The following SPIB variants were observed in gnomAD, a reference collection of about 807,000 sequenced individuals.
SPIB encodes the protein transcription factor Spi-B.
In SPIB, 7 loss-of-function variants were observed where a neutral mutation model predicts 31.9. The ratio of observed to expected loss-of-function variants is 0.22; its 90% CI spans 0.12 to 0.41. SPIB has a LOEUF of 0.41. SPIB is among the 10% of genes least tolerant of loss of function. SPIB has a pLI of 1.00. For synonymous variants in SPIB, 176 were observed against 158.9 expected (o/e 1.11, Z -0.81); for missense variants, 327 against 360.2 (o/e 0.91, Z 0.75).
At position 50,428,905 on chromosome 19, in the gene SPIB, T is replaced by G. The variant is rs982525926; in HGVS notation, c.*569T>G. 2 of 152,814 alleles carry G rather than the reference T, an allele frequency of 1.3e-5. No individual in the cohort carries two copies. Among genetic ancestry groups the G allele is most frequent in the African/African-American group, 4.8e-5 (2 of 41,458 alleles). 9.5% of individuals were successfully genotyped at this position (152,814 alleles called of 1,614,324 possible). ...TGTGTTGTCACATCTGTCCCCTCAT[T>G]TTTGAGATCCCCCAATTCTCTGGAA... On this transcript the variant is annotated 3_prime_UTR_variant, in exon 6 of 6. Transcript: ENST00000595883. The surrounding 1 kb of genome is among the most constrained non-coding windows in gnomAD (Gnocchi z 6.5).
Position 50,421,318 on chromosome 19 carries a change from G to GATTT in SPIB, c.52-1135_52-1132dup, listed in dbSNP as rs1283829924. Among the ~76,000 whole-genome samples, 93 of 152,094 alleles carry GATTT rather than the reference G, an allele frequency of 6.1e-4. 1 individual carries two copies. The highest frequency in any genetic ancestry group is 9.8e-4 in the Admixed American group (15 of 15,238). ...TTCATGGGGCGAATCAACATATGGA[G>GATTT]ATTTATTTATTTATTTATTTATTGA... On this transcript the variant is annotated intron_variant, in intron 2 of 5. Transcript: ENST00000595883.
Position 50,430,454 on chromosome 19 carries a change from G to A in SPIB, c.*2118G>A, listed in dbSNP as rs1357456184. The A allele has an allele frequency of 6.6e-6, 1 of 152,178 alleles. No individual in the cohort carries two copies. The highest frequency in any genetic ancestry group is 1.5e-5 in the Non-Finnish European group (1 of 68,096). 9.4% of individuals were successfully genotyped at this position (152,178 alleles called of 1,614,324 possible). On this transcript the variant is annotated 3_prime_UTR_variant, in exon 6 of 6. Coordinates refer to ENST00000595883, the MANE Select transcript of SPIB (RefSeq NM_003121.5). ...AGAAGGAGGAGGAAGATCTCAAAAA[G>A]ACTTTCCAGCCCAGTGCGGTGGCTC...
At chr19:50,419,477 TGC>T (rs1381442666) in intron 1 of SPIB, among the ~76,000 whole-genome samples, 1 of 152,178 alleles carries the variant, frequency 6.6e-6, no homozygotes, top group African/African-American at 2.4e-5. Flanking sequence ...CCCGCCTCTG[TGC>T]GTGAATGTCC....
Position 50,424,700 on chromosome 19 carries a change from G to T in SPIB, c.490+945G>T, listed in dbSNP as rs377193862. 1.7e-3 allele frequency among the ~76,000 whole-genome samples: 253 copies of T among 152,158 alleles called. 2 individuals are homozygous for T. The highest frequency in any genetic ancestry group is 5.6e-3 in the African/African-American group (232 of 41,536). ...GGAGGCTGAGGCAGAAGAATCGCTT[G>T]AACCCAGGAGGCAGAGGTTGCAGTA... On this transcript the variant is annotated intron_variant, in intron 5 of 5. Coordinates refer to ENST00000595883, the MANE Select transcript of SPIB (RefSeq NM_003121.5).
chr19:50,420,019 C>A, intron 2 of SPIB, 46 bp downstream of exon 2: 2 of 1,409,066 alleles, frequency 1.4e-6, no homozygotes, highest in South Asian at 1.7e-5. Context: ...CCCACAGTGA[C>A]CTCCCTCAGA....
At chr19:50,420,568 A>G (rs892690979) in intron 2 of SPIB, among the ~76,000 whole-genome samples, 8 of 152,208 alleles carry the variant, frequency 5.3e-5, no homozygotes, top group African/African-American at 1.9e-4. Context: ...GTCCCTTCTC[A>G]GTCAATACCT....
At position 50,419,761 on chromosome 19, in the gene SPIB, C is replaced by G; in HGVS notation, c.24-185C>G. On this transcript the variant is annotated intron_variant, in intron 1 of 5. Transcript: ENST00000595883. ...GGAGGAGGGGGACATTTGCCTCCCCCCCACCCCCCACTTCCTGTCCCAGCA... is the reference window on the plus strand; with the variant it reads ...GGAGGAGGGGGACATTTGCCTCCCCGCCACCCCCCACTTCCTGTCCCAGCA... 5 of 506,804 alleles carry G rather than the reference C, an allele frequency of 9.9e-6. No individual in the cohort carries two copies. The East Asian group carries it at 1.1e-4, about 11-fold the overall frequency. 31.4% of individuals were successfully genotyped at this position (506,804 alleles called of 1,614,324 possible).
intron 1 of SPIB, 91 bp downstream of exon 1, chr19:50,419,076 C>T (rs2039448163): frequency 6.8e-7 from 1 of 1,470,616 alleles, no homozygotes; most frequent in Non-Finnish European, 9.3e-7. Flanking sequence ...TTCTCTGCTC[C>T]TCACGGCCGG....
chr19:50,427,582 C>T (rs921847680), intron 5 of SPIB, among the ~76,000 whole-genome samples: 11 of 152,212 alleles, frequency 7.2e-5, no homozygotes, highest in Admixed American at 6.5e-4. Flanking sequence ...CTCCCGGGAC[C>T]CTGTCCCGCT....
intron 5 of SPIB, among the ~76,000 whole-genome samples, chr19:50,426,126 T>C (rs1022284775): frequency 1.3e-5 from 2 of 152,108 alleles, no homozygotes; most frequent in Non-Finnish European, 2.9e-5. Flanking sequence ...GGAGAATCGC[T>C]TGAATCCAGG....
chr19:50,422,603 A>T, intron 3 of SPIB, 58 bp downstream of exon 3: 1 of 1,575,506 alleles, frequency 6.3e-7, no homozygotes, highest in Non-Finnish European at 8.7e-7. Context: ...CAGATAGGGG[A>T]GCTGAGGCCC....
chr19:50,423,735 A>T lies in SPIB; in HGVS notation c.470A>T (p.Glu157Val). Reference sequence around the variant, plus strand: ...GATGAGGCCCTCGTGGCTGGCCCCGAGGGGAAGGGATCCGAGGCAGGTATG... The same window carrying T: ...GATGAGGCCCTCGTGGCTGGCCCCGTGGGGAAGGGATCCGAGGCAGGTATG... Reference protein sequence around the residue: ...ESDEALVAGPEGKGSEAGTRK... With the variant: ...ESDEALVAGPVGKGSEAGTRK... Residue 157 changes from glutamate to valine, a missense_variant, in exon 5 of 6, where the codon GAG becomes GTG. Physicochemically the swap from Glu to Val is moderately radical, Grantham distance 121. This residue lies in a region of SPIB where 238 missense variants were observed against 228.8 expected (regional missense o/e 1.04). Transcript: ENST00000595883. 1 of 1,610,220 alleles carries T rather than the reference A, an allele frequency of 6.2e-7. No individual in the cohort carries two copies. The highest frequency in any genetic ancestry group is 8.5e-7 in the Non-Finnish European group (1 of 1,178,486).
intron 1 of SPIB, among the ~76,000 whole-genome samples, chr19:50,419,619 C>T (rs973466783): frequency 2.6e-5 from 4 of 152,226 alleles, no homozygotes; most frequent in Non-Finnish European, 4.4e-5. Context: ...TCAACTGACT[C>T]GCCACCAAGG....
Position 50,419,788 on chromosome 19 carries a change from G to C in SPIB, c.24-158G>C, listed in dbSNP as rs1011881960. On this transcript the variant is annotated intron_variant, in intron 1 of 5. Transcript: ENST00000595883. ...CACCCCCCACTTCCTGTCCCAGCAG[G>C]GGGTAGTGGGGGAGTCCGGTGAATG... The C allele has an allele frequency of 4.8e-6, 3 of 626,002 alleles. No individual in the cohort carries two copies. In the Admixed American group the frequency reaches 1.3e-4, roughly 26 times the overall value. 38.8% of individuals were successfully genotyped at this position (626,002 alleles called of 1,614,324 possible). A position where few individuals can be genotyped will look rare whatever the true frequency, so the allele number is the denominator to read the frequency against.
chr19:50,423,860 C>T, intron 5 of SPIB, 105 bp downstream of exon 5: 2 of 1,328,214 alleles, frequency 1.5e-6, no homozygotes, highest in Admixed American at 2.3e-5. Context: ...GCACTCTGGG[C>T]AGCTCCCAGA....
At chr19:50,421,468 G>A (rs775606674) in intron 2 of SPIB, among the ~76,000 whole-genome samples, 17 of 149,808 alleles carry the variant, frequency 1.1e-4, no homozygotes, top group Non-Finnish European at 2.2e-4. Flanking sequence ...GACTACAGGT[G>A]CGCACCACCA....
At chr19:50,420,063 C>A in intron 2 of SPIB, 90 bp downstream of exon 2, 1 of 1,163,666 alleles carries the variant, frequency 8.6e-7, no homozygotes, top group Non-Finnish European at 1.1e-6. Flanking sequence ...GTTTCCCCTC[C>A]CACCTCTTCC....
chr19:50,426,599 T>C (rs1256104583), intron 5 of SPIB, among the ~76,000 whole-genome samples: 1 of 152,104 alleles, frequency 6.6e-6, no homozygotes, highest in Non-Finnish European at 1.5e-5. Context: ...GCTAAAGTGA[T>C]TCTCCTGCCT....
intron 5 of SPIB, among the ~76,000 whole-genome samples, chr19:50,424,819 C>G (rs568068439): frequency 1.3e-5 from 2 of 149,842 alleles, no homozygotes; most frequent in East Asian, 4.1e-4. Flanking sequence ...ATTAATGGGG[C>G]ATGGTGGTAC....
Sources: allele counts gnomAD v4.1 joint callset (sites outside exome capture counted in the v4.1 genomes callset), GRCh38; gene constraint gnomAD v4.1.1; regional missense constraint gnomAD v4.1.1; non-coding constraint Gnocchi (gnomAD v3.1); transcripts MANE v1.5; gene names NCBI Gene and HGNC (gene_info 2026-07-23, HGNC 2026-07-21).